SPAG9: variants seen among roughly 807,000 people sequenced by gnomAD.
SPAG9 encodes sperm associated antigen 9.
Under a neutral mutation model 166.5 loss-of-function variants are expected in SPAG9, and 35 were observed. The ratio of observed to expected loss-of-function variants is 0.21; its 90% CI spans 0.16 to 0.28. SPAG9 has a LOEUF of 0.28. Among genes scored for constraint, SPAG9 ranks in the 10% least tolerant of loss-of-function variants. The pLI, the probability that SPAG9 is intolerant of heterozygous loss-of-function variation, is 1.00. For missense variants in SPAG9, 1,235 were observed against 1,603.3 expected (o/e 0.77, Z 3.92); for synonymous variants, 534 against 565.5 (o/e 0.94, Z 0.79).
At chr17:51,003,803 G>A (rs2045071491) in intron 12 of SPAG9, among the ~76,000 whole-genome samples, 1 of 152,124 alleles carries the variant, frequency 6.6e-6, no homozygotes. Context: ...AACAACAAAT[G>A]ATAAAGATCT....
chr17:50,970,512 CAAA>C (rs369375320), intron 29 of SPAG9, among the ~76,000 whole-genome samples, 192 bp downstream of exon 29: 4 of 73,490 alleles, frequency 5.4e-5, no homozygotes, highest in Admixed American at 1.6e-4. Context: ...GACGTCATCT[CAAA>C]AAAAAAAAAA....
chr17:51,118,757 T>C (rs1324937230), intron 1 of SPAG9, among the ~76,000 whole-genome samples: 3 of 152,242 alleles, frequency 2.0e-5, no homozygotes, highest in Admixed American at 2.0e-4. Context: ...TAGTCCATTC[T>C]GGCGGGGTGC....
chr17:51,114,951 C>T (rs886200074), intron 1 of SPAG9, among the ~76,000 whole-genome samples: 1 of 122,014 alleles, frequency 8.2e-6, no homozygotes, highest in Non-Finnish European at 1.7e-5. Context: ...GACTCTGTCT[C>T]AAAAAAAAAA....
chr17:50,990,556 GCTGT>G lies in SPAG9; in HGVS notation c.2507_2510del (p.Asp836AlafsTer3). 6.2e-7 allele frequency: 1 copy of G among 1,614,080 alleles called. No individual in the cohort carries two copies. The highest frequency in any genetic ancestry group is 8.5e-7 in the Non-Finnish European group (1 of 1,179,942). On this transcript the variant is annotated frameshift_variant, in exon 20 of 30. Coordinates refer to ENST00000262013, the MANE Select transcript of SPAG9 (RefSeq NM_001130528.3). LOFTEE classifies it high-confidence loss of function. Reference sequence around the variant, plus strand: ...CAACCACTGTGATGCCTCCTAACAGGCTGTCTGTCTCTGCTGAGCTGTTGCTTGT... The same window carrying G: ...CAACCACTGTGATGCCTCCTAACAGGCTGTCTCTGCTGAGCTGTTGCTTGT...
At chr17:51,016,344 G>T (rs1200595265) in intron 8 of SPAG9, 2 of 152,242 alleles carry the variant, frequency 1.3e-5, no homozygotes, top group African/African-American at 4.8e-5. Flanking sequence ...AGAGGAGAAA[G>T]GTGAAAAGAA....
rs1973745676 is a variant in SPAG9 at position 50,970,929 on chromosome 17, T to C, written c.3701-73A>G. ...GGCTGTTTTGTTTTTTTTTTTTAAG[T>C]ATTTTTAGAGTTAAACAAAAAGGTA... On this transcript the variant is annotated intron_variant, in intron 28 of 29. Coordinates refer to ENST00000262013, the MANE Select transcript of SPAG9 (RefSeq NM_001130528.3). 3.1e-6 allele frequency: 4 copies of C among 1,291,918 alleles called. No individual in the cohort carries two copies. In the East Asian group the frequency reaches 7.0e-5, roughly 23 times the overall value. 80.0% of individuals were successfully genotyped at this position (1,291,918 alleles called of 1,614,324 possible).
At chr17:51,047,702 CAAAAA>C (rs763552367) in intron 3 of SPAG9, among the ~76,000 whole-genome samples, 1 of 74,418 alleles carries the variant, frequency 1.3e-5, no homozygotes, top group Admixed American at 1.3e-4. Context: ...CTTAGGATGG[CAAAAA>C]AAAAAAAAAA....
At chr17:51,096,941 T>C (rs558646093) in intron 1 of SPAG9, among the ~76,000 whole-genome samples, 1 of 152,330 alleles carries the variant, frequency 6.6e-6, no homozygotes, top group African/African-American at 2.4e-5. Flanking sequence ...TGGCAGCCCC[T>C]ACATAGCTTA....
At chr17:51,015,099 G>A (rs569267875) in intron 8 of SPAG9, among the ~76,000 whole-genome samples, 10 of 152,170 alleles carry the variant, frequency 6.6e-5, no homozygotes, top group African/African-American at 2.2e-4. Context: ...AAAGGACAAA[G>A]AGAATAGAAA....
intron 1 of SPAG9, among the ~76,000 whole-genome samples, chr17:51,083,319 C>A (rs2048218821): frequency 6.6e-6 from 1 of 150,922 alleles, no homozygotes; most frequent in Non-Finnish European, 1.5e-5. Flanking sequence ...ACTGTAACCT[C>A]TGGCTCCCGA....
chr17:50,972,812 A>T (rs1973927765), intron 28 of SPAG9, among the ~76,000 whole-genome samples: 1 of 152,264 alleles, frequency 6.6e-6, no homozygotes, highest in Non-Finnish European at 1.5e-5. Context: ...TTGGTAGACG[A>T]GTTAGTTCTG....
chr17:51,108,812 G>A (rs2049025087), intron 1 of SPAG9, among the ~76,000 whole-genome samples: 1 of 151,810 alleles, frequency 6.6e-6, no homozygotes. Context: ...TAGTTTTTAT[G>A]TGATAATTTT....
intron 2 of SPAG9, among the ~76,000 whole-genome samples, chr17:51,074,831 A>G (rs566750732): frequency 6.6e-6 from 1 of 152,252 alleles, no homozygotes; most frequent in East Asian, 1.9e-4. Flanking sequence ...TGGACTGGAT[A>G]ACAAATCTGG....
At chr17:51,045,133 T>G (rs1388486969) in intron 4 of SPAG9, among the ~76,000 whole-genome samples, 1 of 152,146 alleles carries the variant, frequency 6.6e-6, no homozygotes, top group Non-Finnish European at 1.5e-5. Flanking sequence ...TTGCCAAAGC[T>G]CCTACGGCCA....
intron 4 of SPAG9, among the ~76,000 whole-genome samples, chr17:51,046,039 A>G (rs2047008351): frequency 6.6e-6 from 1 of 152,246 alleles, no homozygotes; most frequent in African/African-American, 2.4e-5. Context: ...GCTATTATCA[A>G]AAATTACAAA....
At chr17:51,041,305 C>A (rs528349076) in intron 5 of SPAG9, among the ~76,000 whole-genome samples, 196 bp downstream of exon 5, 1 of 151,986 alleles carries the variant, frequency 6.6e-6, no homozygotes, top group South Asian at 2.1e-4. Context: ...CACTTTTTTT[C>A]CTATATAATT....
At chr17:51,009,331 G>A (rs2045362462) in intron 9 of SPAG9, among the ~76,000 whole-genome samples, 1 of 152,144 alleles carries the variant, frequency 6.6e-6, no homozygotes, top group African/African-American at 2.4e-5. Flanking sequence ...TGAAATGTGT[G>A]CTACAGGAAA....
At chr17:50,987,702 C>T in intron 21 of SPAG9, among the ~76,000 whole-genome samples, 1 of 152,226 alleles carries the variant, frequency 6.6e-6, no homozygotes, top group East Asian at 1.9e-4. Flanking sequence ...ATGGCTGTCT[C>T]TTATTTTGGG....
Position 50,985,788 on chromosome 17 carries a change from C to T in SPAG9, c.2940-10G>A. 6.5e-7 allele frequency: 1 copy of T among 1,532,030 alleles called. No homozygotes were observed. Among genetic ancestry groups the T allele is most frequent in the Non-Finnish European group, 9.0e-7 (1 of 1,107,894 alleles). The allele number at this position is 1,532,030 out of a possible 1,614,324, so 94.9% of individuals were successfully genotyped here. ...TGAATGGACATACAAACTGTAAGAA[C>T]AAAGTCAACACTGGTAAGGCATAGA... On this transcript the variant is annotated splice_polypyrimidine_tract_variant and intron_variant, in intron 22 of 29. Coordinates refer to ENST00000262013, the MANE Select transcript of SPAG9 (RefSeq NM_001130528.3).
Sources: gnomAD v4.1 joint callset for allele counts (sites outside exome capture counted in the v4.1 genomes callset) on GRCh38, gnomAD v4.1.1 for gene constraint, MANE v1.5 for transcripts, NCBI Gene and HGNC (gene_info 2026-07-23, HGNC 2026-07-21) for gene names.